The following COL9A1 variants were observed in gnomAD, a reference collection of about 807,000 sequenced individuals.
COL9A1 encodes the protein collagen type IX alpha 1 chain.
Under a neutral mutation model 142.6 loss-of-function variants are expected in COL9A1, and 104 were observed. The observed-to-expected ratio is 0.73, with a 90% CI of 0.62 to 0.86. The LOEUF is 0.86. Among genes scored for constraint, COL9A1 ranks in the 40% least tolerant of loss-of-function variants. COL9A1 has a pLI of 0.00. For synonymous variants in COL9A1, 466 were observed against 396.0 expected, an observed-to-expected ratio of 1.18 and a Z score of -2.10; for missense variants, 1,210 against 1,176.6, an observed-to-expected ratio of 1.03 and a Z score of -0.42.
intron 5 of COL9A1, among the ~76,000 whole-genome samples, chr6:70,291,608 T>G (rs1386233587): frequency 1.3e-5 from 2 of 152,204 alleles, no homozygotes; most frequent in Non-Finnish European, 2.9e-5. Flanking sequence ...AATGAAAGTT[T>G]ACTAGGTAAA....
At chr6:70,231,228 G>T (rs9455011) in intron 36 of COL9A1, among the ~76,000 whole-genome samples, 9,461 of 152,182 alleles carry the variant, frequency 0.062, 619 homozygotes, top group African/African-American at 0.16. Context: ...AAAAGGCCAG[G>T]TCGTCATGAT....
intron 5 of COL9A1, among the ~76,000 whole-genome samples, chr6:70,289,098 G>A (rs1285541642): frequency 2.6e-5 from 4 of 152,050 alleles, no homozygotes; most frequent in Admixed American, 6.6e-5. Flanking sequence ...TCCCCTGTGT[G>A]GGTTCCAGTT....
chr6:70,294,193 C>T lies in COL9A1; in HGVS notation c.670G>A (p.Ala224Thr), dbSNP rs2127604892. 1 of 1,613,998 alleles carries T rather than the reference C, an allele frequency of 6.2e-7. No individual in the cohort carries two copies. The change falls in exon 5 of 38, where the codon GCA becomes ACA. Residue 224 changes from alanine (A) to threonine (T), a missense_variant. Physicochemically the swap from Ala to Thr is moderately conservative, Grantham distance 58 (BLOSUM62 0). Transcript: ENST00000357250. ...IDGFAVLGKL[A>T]DNPQVSVPFE... ...GGAACAGAAACTTGAGGATTATCTG[C>T]AAGTTTTCCCAGCACAGCAAAGCCA...
intron 10 of COL9A1, 83 bp downstream of exon 10, chr6:70,280,729 C>T (rs1773096285): frequency 1.4e-6 from 2 of 1,441,424 alleles, no homozygotes; most frequent in African/African-American, 3.0e-5. Flanking sequence ...TTCTCTCTCT[C>T]CCTCCCCCCC....
Position 70,269,554 on chromosome 6 carries a change from A to G in COL9A1, c.1230+79T>C, listed in dbSNP as rs113426981. 660 of 986,010 alleles carry G rather than the reference A, an allele frequency of 6.7e-4. 6 individuals carry two copies. The African/African-American group carries it at 8.5e-3, about 13-fold the overall frequency. 61.1% of individuals were successfully genotyped at this position (986,010 alleles called of 1,614,324 possible). A position where few individuals can be genotyped will look rare whatever the true frequency, so the allele number is the denominator to read the frequency against. ...CAGACACATAGAATATTCCAGGGAAATCTTTTAAAGAAAACTCATCTGCAG... is the reference window on the plus strand; with the variant it reads ...CAGACACATAGAATATTCCAGGGAAGTCTTTTAAAGAAAACTCATCTGCAG... On this transcript the variant is annotated intron_variant, in intron 16 of 37. Coordinates refer to ENST00000357250, the MANE Select transcript of COL9A1 (RefSeq NM_001851.6).
intron 33 of COL9A1, among the ~76,000 whole-genome samples, chr6:70,237,930 A>T (rs1040353180): frequency 6.6e-6 from 1 of 152,222 alleles, no homozygotes; most frequent in Non-Finnish European, 1.5e-5. Context: ...AGTAGGAAGT[A>T]GCTATTCCAA....
At chr6:70,218,460 C>T (rs1583191134) in intron 37 of COL9A1, among the ~76,000 whole-genome samples, 1 of 152,166 alleles carries the variant, frequency 6.6e-6, no homozygotes, top group African/African-American at 2.4e-5. Context: ...AGTGCACTAG[C>T]AGCACTTTCA....
At chr6:70,300,228 C>G (rs1774009727) in intron 3 of COL9A1, 53 bp from the exon 4 acceptor site, 2 of 1,609,196 alleles carry the variant, frequency 1.2e-6, no homozygotes, top group African/African-American at 2.7e-5. Context: ...GGTTTTATTT[C>G]TTTCCACAAC....
chr6:70,270,213 G>T, intron 15 of COL9A1, 101 bp downstream of exon 15: 2 of 1,202,258 alleles, frequency 1.7e-6, no homozygotes, highest in Non-Finnish European at 2.5e-6. Context: ...GGAAATTTGG[G>T]ACAATGACTC....
intron 5 of COL9A1, among the ~76,000 whole-genome samples, chr6:70,286,333 T>G (rs1410818948): frequency 6.6e-6 from 1 of 152,176 alleles, no homozygotes; most frequent in Non-Finnish European, 1.5e-5. Context: ...CTACTTATTT[T>G]GCCAGGTTGT....
chr6:70,296,058 A>G (rs1193028086), intron 4 of COL9A1, among the ~76,000 whole-genome samples: 2 of 152,176 alleles, frequency 1.3e-5, no homozygotes, highest in African/African-American at 4.8e-5. Flanking sequence ...CTTTGATTTT[A>G]ATTATAAAAC....
intron 37 of COL9A1, among the ~76,000 whole-genome samples, chr6:70,225,443 TTTTC>T (rs147029567): frequency 0.16 from 24,225 of 151,932 alleles, 2,311 homozygotes; most frequent in Non-Finnish European, 0.22. Context: ...CAGTTTTGTA[TTTTC>T]TTTCTTTCTT....
chr6:70,294,606 G>A (rs1327926986), intron 4 of COL9A1, 43 bp from the exon 5 acceptor site: 2 of 1,575,954 alleles, frequency 1.3e-6, no homozygotes, highest in Non-Finnish European at 8.7e-7. Context: ...CTTGTTTCCT[G>A]TACCCATATG....
At chr6:70,234,299 C>CAAAAAAA (rs1376237848) in intron 35 of COL9A1, among the ~76,000 whole-genome samples, 20 of 132,018 alleles carry the variant, frequency 1.5e-4, no homozygotes, top group African/African-American at 4.7e-4. Context: ...AAAAACAAAA[C>CAAAAAAA]AAAACAAAAA....
chr6:70,254,728 C>T, intron 24 of COL9A1, 199 bp from the exon 25 acceptor site: 4 of 675,592 alleles, frequency 5.9e-6, no homozygotes, highest in Non-Finnish European at 1.0e-5. Flanking sequence ...TGCACAGTCT[C>T]TCTCAACTTA....
In COL9A1 at chr6:70,298,955, C is replaced by T. The variant is rs78214662; in HGVS notation, c.299+1088G>A. 3.6e-3 allele frequency among the ~76,000 whole-genome samples: 541 copies of T among 152,176 alleles called. 3 individuals are homozygous for T. The highest frequency in any genetic ancestry group is 0.012 in the African/African-American group (517 of 41,512). ...TCTGCCTGGGATTCAGTCCTTCCAG[C>T]ACATTCCAACCCACTCACCTTATGC... is the stretch of plus-strand genomic sequence containing the variant. On this transcript the variant is annotated intron_variant, in intron 4 of 37. Coordinates refer to ENST00000357250, the MANE Select transcript of COL9A1 (RefSeq NM_001851.6).
chr6:70,257,234 T>C (rs1180616154), intron 20 of COL9A1, among the ~76,000 whole-genome samples: 1 of 152,076 alleles, frequency 6.6e-6, no homozygotes, highest in East Asian at 1.9e-4. Flanking sequence ...CTAATTTTTG[T>C]ATTTTTAGTA....
intron 36 of COL9A1, among the ~76,000 whole-genome samples, chr6:70,231,445 T>A (rs944779984): frequency 1.3e-5 from 2 of 152,202 alleles, no homozygotes; most frequent in African/African-American, 4.8e-5. Flanking sequence ...AGAAAAACTC[T>A]ACCCTCAGTC....
chr6:70,252,725 T>C (rs933230676), intron 26 of COL9A1, among the ~76,000 whole-genome samples: 2 of 152,100 alleles, frequency 1.3e-5, no homozygotes, highest in Non-Finnish European at 2.9e-5. Flanking sequence ...CATGGGGAAA[T>C]AGGATATGCT....
Sources: allele counts gnomAD v4.1 joint callset (sites outside exome capture counted in the v4.1 genomes callset), GRCh38; gene constraint gnomAD v4.1.1; transcripts MANE v1.5; gene names NCBI Gene and HGNC (gene_info 2026-07-23, HGNC 2026-07-21).